Variants in TMPRSS11E observed in about 807,000 individuals in gnomAD.
TMPRSS11E encodes the protein transmembrane protease serine 11E.
A neutral mutation model predicts 48.1 loss-of-function variants in TMPRSS11E; 38 were observed. The observed-to-expected ratio is 0.79, with a 90% CI of 0.61 to 1.04. The LOEUF (loss-of-function observed/expected upper bound fraction) is 1.04. Among genes scored for constraint, TMPRSS11E ranks in the 50% least tolerant of loss-of-function variants. The pLI, the probability that TMPRSS11E is intolerant of heterozygous loss-of-function variation, is 0.00. For synonymous variants in TMPRSS11E, 158 were observed against 171.9 expected, an observed-to-expected ratio of 0.92 and a Z score of 0.63; for missense variants, 530 against 510.8, an observed-to-expected ratio of 1.04 and a Z score of -0.36.
At chr4:68,462,136 G>C in intron 2 of TMPRSS11E, among the ~76,000 whole-genome samples, 191 bp downstream of exon 2, 1 of 151,930 alleles carries the variant, frequency 6.6e-6, no homozygotes, top group Non-Finnish European at 1.5e-5. Context: ...TTCTATCTTT[G>C]ATGTAGTGAT....
rs533554770 is a variant in TMPRSS11E, at chr4:68,480,984, T to G, written c.1110+1993T>G. The stretch of plus-strand genomic sequence containing the variant: ...CTCAACCCTCAAGTAAGCCCCAGTA[T>G]GTATTGTTCCTCTCTTTGTGTCCAT... On this transcript the variant is annotated intron_variant, in intron 9 of 9. Coordinates refer to ENST00000305363, the MANE Select transcript of TMPRSS11E (RefSeq NM_014058.4). Among the ~76,000 whole-genome samples, 4 of 152,270 alleles carry G rather than the reference T, an allele frequency of 2.6e-5. No homozygotes were observed. The South Asian group carries it at 6.2e-4, about 24-fold the overall frequency.
intron 9 of TMPRSS11E, among the ~76,000 whole-genome samples, chr4:68,489,058 A>G (rs1729643391): frequency 6.6e-6 from 1 of 152,202 alleles, no homozygotes; most frequent in Non-Finnish European, 1.5e-5. Context: ...TCTTGCTTTT[A>G]GAGTTACCAG....
At chr4:68,486,070 T>C (rs1729543800) in intron 9 of TMPRSS11E, among the ~76,000 whole-genome samples, 2 of 152,150 alleles carry the variant, frequency 1.3e-5, no homozygotes, top group South Asian at 4.1e-4. Flanking sequence ...ATCAATCTTA[T>C]TTATTCTTTC....
chr4:68,469,468 A>T (rs575985736), intron 4 of TMPRSS11E, among the ~76,000 whole-genome samples: 1 of 152,126 alleles, frequency 6.6e-6, no homozygotes, highest in African/African-American at 2.4e-5. Context: ...TAAGATATTG[A>T]CATAATACAA....
At position 68,464,585 on chromosome 4, in the gene TMPRSS11E, A is replaced by G. The variant is rs996242999; in HGVS notation, c.137-2046A>G. On this transcript the variant is annotated intron_variant, in intron 2 of 9. Transcript: ENST00000305363. ...TACCATATATTTATGGCAGCTGGTA[A>G]TATGTTTTAACAGTGGCATGCTTAA... Among the ~76,000 whole-genome samples the G allele has an allele frequency of 7.9e-5, 12 of 152,334 alleles. No individual in the cohort carries two copies. In the East Asian group the frequency reaches 1.4e-3, roughly 17 times the overall value.
chr4:68,493,638 T>A (rs1382613916), intron 9 of TMPRSS11E, among the ~76,000 whole-genome samples: 1 of 152,086 alleles, frequency 6.6e-6, no homozygotes, highest in Non-Finnish European at 1.5e-5. Flanking sequence ...GACTAATTTT[T>A]GTATTTTTAG....
intron 9 of TMPRSS11E, among the ~76,000 whole-genome samples, chr4:68,485,401 C>T (rs895842873): frequency 6.6e-6 from 1 of 152,162 alleles, no homozygotes; most frequent in African/African-American, 2.4e-5. Flanking sequence ...CACATCTCGG[C>T]CTCCCAAAGT....
chr4:68,476,137 G>T, intron 6 of TMPRSS11E, 124 bp from the exon 7 acceptor site: 2 of 1,295,156 alleles, frequency 1.5e-6, no homozygotes. Flanking sequence ...AAGAGCATGA[G>T]AAAACATTTG....
In TMPRSS11E at chr4:68,466,705, G is replaced by T. The variant is rs755421659; in HGVS notation, c.211G>T (p.Glu71Ter). 2 of 1,613,700 alleles carry T rather than the reference G, an allele frequency of 1.2e-6. No individual in the cohort carries two copies. Among genetic ancestry groups the T allele is most frequent in the South Asian group, 2.2e-5 (2 of 91,068 alleles). ...CAAACTATATGCTGAGTTTGGCAGA[G>T]AGGCTTCTAACAATTTTACAGAAAT... The part of the protein sequence containing the change: ...TDKLYAEFGR[E>*]ASNNFTEMSQ... Residue 71 changes from glutamate to a stop codon, truncating the protein, a stop_gained, in exon 3 of 10, where the codon GAG becomes TAG. Transcript: ENST00000305363. LOFTEE classifies it high-confidence loss of function.
At chr4:68,468,104 C>T (rs896743963) in intron 3 of TMPRSS11E, among the ~76,000 whole-genome samples, 6 of 151,896 alleles carry the variant, frequency 4.0e-5, no homozygotes, top group African/African-American at 1.5e-4. Flanking sequence ...CAAGAAGTGT[C>T]CTTAGTAAAA....
At chr4:68,493,479 G>T in intron 9 of TMPRSS11E, among the ~76,000 whole-genome samples, 1 of 151,952 alleles carries the variant, frequency 6.6e-6, no homozygotes, top group East Asian at 1.9e-4. Context: ...TTTTTTTGGG[G>T]GGGAGGGATG....
intron 1 of TMPRSS11E, among the ~76,000 whole-genome samples, chr4:68,457,948 G>T (rs528287884): frequency 1.3e-5 from 2 of 152,198 alleles, no homozygotes; most frequent in East Asian, 3.9e-4. Flanking sequence ...GGGGGGCTAG[G>T]GGAGGGATAG....
intron 1 of TMPRSS11E, among the ~76,000 whole-genome samples, chr4:68,457,536 C>T (rs1012394355): frequency 6.6e-6 from 1 of 152,110 alleles, no homozygotes; most frequent in Admixed American, 6.6e-5. Flanking sequence ...ACCCAGACAT[C>T]CCATTACTGG....
intron 1 of TMPRSS11E, among the ~76,000 whole-genome samples, chr4:68,455,419 G>A (rs1728602971): frequency 6.6e-6 from 1 of 151,912 alleles, no homozygotes; most frequent in Admixed American, 6.6e-5. Flanking sequence ...CTCAGGGGAT[G>A]CTGGAACTCG....
chr4:68,474,495 T>C (rs1729156153), intron 5 of TMPRSS11E, among the ~76,000 whole-genome samples: 2 of 152,144 alleles, frequency 1.3e-5, no homozygotes, highest in Non-Finnish European at 2.9e-5. Context: ...AGTTTCATTA[T>C]AAATATGCTT....
chr4:68,483,010 A>G (rs919487892), intron 9 of TMPRSS11E, among the ~76,000 whole-genome samples: 2 of 152,200 alleles, frequency 1.3e-5, no homozygotes, highest in Admixed American at 1.3e-4. Context: ...ATATCTTTAT[A>G]GCAATGCCAC....
chr4:68,465,074 G>C (rs1253267634), intron 2 of TMPRSS11E, among the ~76,000 whole-genome samples: 5 of 152,148 alleles, frequency 3.3e-5, no homozygotes, highest in African/African-American at 1.2e-4. Context: ...TTATTTCCCA[G>C]TATTTCAATA....
chr4:68,473,016 G>T (rs62317559), intron 5 of TMPRSS11E, among the ~76,000 whole-genome samples: 1 of 151,732 alleles, frequency 6.6e-6, no homozygotes, highest in Non-Finnish European at 1.5e-5. Context: ...ACTATATTTC[G>T]TAGCTTATAC....
At chr4:68,450,558 G>A (rs569738607) in intron 1 of TMPRSS11E, among the ~76,000 whole-genome samples, 16 of 151,830 alleles carry the variant, frequency 1.1e-4, no homozygotes, top group South Asian at 6.2e-4. Context: ...GAAAATAAAC[G>A]CACACATATC....
Sources: allele counts gnomAD v4.1 joint callset (sites outside exome capture counted in the v4.1 genomes callset), GRCh38; gene constraint gnomAD v4.1.1; transcripts MANE v1.5; gene names NCBI Gene and HGNC (gene_info 2026-07-23, HGNC 2026-07-21).